Variants in NEXN observed in about 807,000 individuals in gnomAD.
NEXN encodes the protein nexilin.
In NEXN, 65 loss-of-function variants were observed where a neutral mutation model predicts 92.6. That is an observed-to-expected ratio of 0.70 (90% confidence interval 0.57 to 0.86). The LOEUF (loss-of-function observed/expected upper bound fraction) is 0.86, where lower values mean the gene tolerates loss of function less well. Among genes scored for constraint, NEXN ranks in the 40% least tolerant of loss-of-function variants. The pLI is 0.00. For missense variants in NEXN, 778 were observed against 771.1 expected (o/e 1.01, Z -0.11); for synonymous variants, 254 against 242.5 (o/e 1.05, Z -0.44).
intron 1 of NEXN, among the ~76,000 whole-genome samples, chr1:77,915,637 AC>A (rs1648916516): frequency 6.6e-6 from 1 of 152,214 alleles, no homozygotes; most frequent in South Asian, 2.1e-4. Context: ...CAAAACAAAA[AC>A]AAAAACAAAA....
chr1:77,929,039 A>C (rs915284659), intron 8 of NEXN, among the ~76,000 whole-genome samples: 3 of 152,210 alleles, frequency 2.0e-5, no homozygotes, highest in Non-Finnish European at 4.4e-5. Flanking sequence ...AGCCGCCACA[A>C]CACCTGGCTA....
chr1:77,893,130 G>A (rs1187189004), intron 1 of NEXN, among the ~76,000 whole-genome samples: 2 of 152,132 alleles, frequency 1.3e-5, no homozygotes, highest in African/African-American at 2.4e-5. Context: ...GCCTCCCAAA[G>A]TGCTGGGATT....
chr1:77,905,187 G>A (rs1393946902), intron 1 of NEXN, among the ~76,000 whole-genome samples: 1 of 151,360 alleles, frequency 6.6e-6, no homozygotes, highest in Non-Finnish European at 1.5e-5. Context: ...GCTTGAACCC[G>A]GGAGGCAGAG....
intron 11 of NEXN, among the ~76,000 whole-genome samples, chr1:77,936,763 A>AGGT (rs1650801564): frequency 6.6e-6 from 1 of 152,204 alleles, no homozygotes; most frequent in Admixed American, 6.5e-5. Context: ...CCATCCTATA[A>AGGT]TATTTAACAG....
intron 2 of NEXN, among the ~76,000 whole-genome samples, chr1:77,916,784 T>C (rs1649010884): frequency 6.6e-6 from 1 of 152,214 alleles, no homozygotes; most frequent in Admixed American, 6.5e-5. Flanking sequence ...TCAGCTTAAT[T>C]TTCAAAGTGG....
intron 1 of NEXN, among the ~76,000 whole-genome samples, chr1:77,912,378 TC>T (rs144835668): frequency 0.012 from 1,787 of 152,264 alleles, 32 homozygotes; most frequent in African/African-American, 0.042. Context: ...TCTCCCTAGA[TC>T]CATCTACAGA....
intron 5 of NEXN, among the ~76,000 whole-genome samples, chr1:77,920,186 G>A (rs573721623): frequency 2.3e-4 from 35 of 152,120 alleles, no homozygotes; most frequent in Non-Finnish European, 4.0e-4. Flanking sequence ...ATGAGCCACC[G>A]CACCCGGCCT....
intron 5 of NEXN, among the ~76,000 whole-genome samples, chr1:77,924,877 C>T (rs1229977314): frequency 1.3e-5 from 2 of 152,260 alleles, no homozygotes; most frequent in East Asian, 1.9e-4. Flanking sequence ...CCAAGCTGGT[C>T]TTGAACTCCT....
intron 1 of NEXN, among the ~76,000 whole-genome samples, chr1:77,915,627 CAAAACA>C (rs796207465): frequency 6.6e-6 from 1 of 151,978 alleles, no homozygotes; most frequent in African/African-American, 2.4e-5. Context: ...GATTTCATCT[CAAAACA>C]AAAACAAAAA....
At chr1:77,909,792 T>A (rs1044376020) in intron 1 of NEXN, among the ~76,000 whole-genome samples, 5 of 152,024 alleles carry the variant, frequency 3.3e-5, no homozygotes, top group African/African-American at 4.8e-5. Flanking sequence ...AGGGAAAAAA[T>A]AATACTAAAT....
At chr1:77,904,647 TGCG>T in intron 1 of NEXN, among the ~76,000 whole-genome samples, 1 of 152,166 alleles carries the variant, frequency 6.6e-6, no homozygotes, top group Middle Eastern at 3.2e-3. Flanking sequence ...GAGTCTACCA[TGCG>T]TACAGAGGAA....
At chr1:77,894,761 G>A (rs1359265463) in intron 1 of NEXN, among the ~76,000 whole-genome samples, 2 of 151,834 alleles carry the variant, frequency 1.3e-5, no homozygotes, top group African/African-American at 4.8e-5. Flanking sequence ...TGTAGCCCAG[G>A]CTGGAGTGCA....
At chr1:77,938,288 T>C (rs1650948555) in intron 11 of NEXN, among the ~76,000 whole-genome samples, 2 of 152,218 alleles carry the variant, frequency 1.3e-5, no homozygotes, top group African/African-American at 4.8e-5. Flanking sequence ...CTACAAAATG[T>C]TGAACATTTT....
At chr1:77,892,069 T>A (rs1034254796) in intron 1 of NEXN, among the ~76,000 whole-genome samples, 3 of 150,716 alleles carry the variant, frequency 2.0e-5, no homozygotes, top group Admixed American at 6.6e-5. Context: ...AGCAACAGAG[T>A]GAGGCTCTGT....
chr1:77,918,154 GA>G lies in NEXN; in HGVS notation c.329del (p.Glu110GlyfsTer25). The G allele has an allele frequency of 6.2e-7, 1 of 1,613,972 alleles. No homozygotes were observed. The highest frequency in any genetic ancestry group is 1.1e-5 in the South Asian group (1 of 91,080). On this transcript the variant is annotated frameshift_variant, in exon 5 of 13. Transcript: ENST00000334785. LOFTEE classifies it high-confidence loss of function. ...GTVKGRFAEM[E>X]KQRQEEQRKR... is the part of the protein sequence containing the mutation. The stretch of plus-strand genomic sequence containing the variant: ...TGTGAAGGGTAGATTTGCTGAAATG[GA>G]GAAACAAAGACAAGAGGAACAAAGG...
At chr1:77,919,534 C>A (rs1649249352) in intron 5 of NEXN, among the ~76,000 whole-genome samples, 1 of 151,068 alleles carries the variant, frequency 6.6e-6, no homozygotes, top group South Asian at 2.1e-4. Context: ...TCATCCAAAA[C>A]AAAGGGGTTA....
chr1:77,908,231 T>C (rs9662129), intron 1 of NEXN, among the ~76,000 whole-genome samples: 44,409 of 151,744 alleles, frequency 0.29, 7,883 homozygotes, highest in African/African-American at 0.51. Context: ...GCATGTGCTA[T>C]GACACTTGCA....
At chr1:77,904,272 C>T (rs1358309107) in intron 1 of NEXN, among the ~76,000 whole-genome samples, 1 of 152,160 alleles carries the variant, frequency 6.6e-6, no homozygotes, top group Non-Finnish European at 1.5e-5. Flanking sequence ...GGATTACAGG[C>T]ATGAGCCACT....
intron 1 of NEXN, among the ~76,000 whole-genome samples, chr1:77,915,228 G>A (rs901746381): frequency 1.1e-4 from 17 of 152,192 alleles, no homozygotes; most frequent in Admixed American, 9.8e-4. Flanking sequence ...AAGGAGGATC[G>A]CTTGAGCCCA....
Sources: gnomAD v4.1 joint callset for allele counts (sites outside exome capture counted in the v4.1 genomes callset) on GRCh38, gnomAD v4.1.1 for gene constraint, MANE v1.5 for transcripts, NCBI Gene and HGNC (gene_info 2026-07-23, HGNC 2026-07-21) for gene names.